Variants in TECPR2 observed in about 807,000 individuals in gnomAD.
The protein encoded by TECPR2 is tectonin beta-propeller repeat containing 2.
TECPR2 carries 65 observed loss-of-function variants against 138.1 expected under a neutral mutation model. The ratio of observed to expected loss-of-function variants is 0.47; its 90% CI spans 0.39 to 0.58. The LOEUF is 0.58. Among genes scored for constraint, TECPR2 ranks in the 20% least tolerant of loss-of-function variants. The pLI is 0.00. For missense variants in TECPR2, 1,553 were observed against 1,824.5 expected, an observed-to-expected ratio of 0.85 and a Z score of 2.71; for synonymous variants, 746 against 749.8, an observed-to-expected ratio of 0.99 and a Z score of 0.08.
In TECPR2 at chr14:102,423,215, T is replaced by C. The variant is rs577655391; in HGVS notation, c.639-1764T>C. Among the ~76,000 whole-genome samples, 8 of 152,214 alleles carry C rather than the reference T, an allele frequency of 5.3e-5. 1 individual carries two copies. The South Asian group carries it at 1.5e-3, about 28-fold the overall frequency. The stretch of plus-strand genomic sequence containing the variant: ...TGGGAAGCCAAGGCAGGTGGATCAC[T>C]TGAGGTCAGGAGTTCGAGACCAGCC... On this transcript the variant is annotated intron_variant, in intron 5 of 19. Coordinates refer to ENST00000359520, the MANE Select transcript of TECPR2 (RefSeq NM_014844.5).
intron 2 of TECPR2, among the ~76,000 whole-genome samples, chr14:102,380,199 A>C (rs1021919942): frequency 7.9e-5 from 12 of 151,566 alleles, no homozygotes; most frequent in African/African-American, 2.7e-4. Context: ...CCCTAGTCAC[A>C]CTGCTGAAGA....
At chr14:102,388,979 A>C (rs994088591) in intron 2 of TECPR2, among the ~76,000 whole-genome samples, 1 of 148,776 alleles carries the variant, frequency 6.7e-6, no homozygotes, top group African/African-American at 2.5e-5. Flanking sequence ...AAAAAAAAAA[A>C]ATTAGCTGGA....
chr14:102,448,961 G>A (rs1286402031), intron 13 of TECPR2, among the ~76,000 whole-genome samples: 1 of 151,844 alleles, frequency 6.6e-6, no homozygotes, highest in Non-Finnish European at 1.5e-5. Context: ...GGAAATACCT[G>A]ATTTAAAAGC....
intron 2 of TECPR2, among the ~76,000 whole-genome samples, chr14:102,393,835 T>C (rs944087386): frequency 3.9e-5 from 6 of 152,098 alleles, no homozygotes; most frequent in African/African-American, 1.4e-4. Context: ...GCTGGGATTA[T>C]AGGCATGAGC....
At chr14:102,468,430 G>A (rs530043252) in intron 17 of TECPR2, among the ~76,000 whole-genome samples, 4 of 152,142 alleles carry the variant, frequency 2.6e-5, no homozygotes, top group African/African-American at 7.2e-5. Flanking sequence ...CTTGTGATCC[G>A]CCTACCTGGG....
intron 15 of TECPR2, among the ~76,000 whole-genome samples, chr14:102,451,998 G>A (rs1014848987): frequency 4.6e-5 from 7 of 152,018 alleles, no homozygotes; most frequent in Admixed American, 2.6e-4. Context: ...CCAGGGCACC[G>A]AGTTGATAGT....
chr14:102,416,009 C>G (rs1039949144), intron 5 of TECPR2, among the ~76,000 whole-genome samples: 1 of 152,250 alleles, frequency 6.6e-6, no homozygotes, highest in African/African-American at 2.4e-5. Context: ...GGCTTTGCGG[C>G]AACACACAAG....
chr14:102,446,471 C>T (rs1260060027), intron 13 of TECPR2, among the ~76,000 whole-genome samples: 13 of 152,158 alleles, frequency 8.5e-5, no homozygotes, highest in African/African-American at 2.7e-4. Context: ...TGGTGGCACA[C>T]GCCGTTGGTC....
intron 1 of TECPR2, among the ~76,000 whole-genome samples, chr14:102,365,332 A>G (rs533964250): frequency 6.6e-6 from 1 of 152,334 alleles, no homozygotes; most frequent in South Asian, 2.1e-4. Flanking sequence ...AGAAAGACCA[A>G]CCAAGTATCT....
At chr14:102,428,710 TAA>T (rs1444613259) in intron 7 of TECPR2, among the ~76,000 whole-genome samples, 3 of 152,148 alleles carry the variant, frequency 2.0e-5, no homozygotes, top group Non-Finnish European at 2.9e-5. Context: ...TGCTGTAAGC[TAA>T]GATTGCACCA....
intron 5 of TECPR2, among the ~76,000 whole-genome samples, chr14:102,422,164 G>A (rs569940700): frequency 3.3e-5 from 5 of 152,222 alleles, no homozygotes; most frequent in South Asian, 2.1e-4. Flanking sequence ...GACACCTGTG[G>A]GCTAAGGGGT....
intron 2 of TECPR2, among the ~76,000 whole-genome samples, chr14:102,381,362 C>T (rs536487563): frequency 7.9e-5 from 12 of 152,244 alleles, no homozygotes; most frequent in African/African-American, 2.2e-4. Flanking sequence ...CACTTGAGGT[C>T]GGGAATTCGA....
chr14:102,418,777 G>C (rs1005061289), intron 5 of TECPR2, among the ~76,000 whole-genome samples: 2 of 152,232 alleles, frequency 1.3e-5, no homozygotes, highest in African/African-American at 4.8e-5. Flanking sequence ...GAGAAGACAG[G>C]ATGGGGCGGG....
At chr14:102,403,605 A>G (rs1888558216) in intron 2 of TECPR2, among the ~76,000 whole-genome samples, 1 of 152,240 alleles carries the variant, frequency 6.6e-6, no homozygotes, top group Admixed American at 6.5e-5. Context: ...TGCAGATGAC[A>G]TGATCTTGTA....
intron 1 of TECPR2, among the ~76,000 whole-genome samples, chr14:102,367,823 A>G (rs570204728): frequency 5.8e-4 from 88 of 152,240 alleles, no homozygotes; most frequent in African/African-American, 1.8e-3. Context: ...AGAACTGCCC[A>G]CTGGTGGCTG....
intron 17 of TECPR2, among the ~76,000 whole-genome samples, chr14:102,472,476 T>A (rs1197201113): frequency 3.3e-5 from 5 of 152,310 alleles, no homozygotes; most frequent in Admixed American, 3.3e-4. Context: ...AATAAAGTAG[T>A]GATTGCTAAA....
At chr14:102,382,007 G>A (rs145300219) in intron 2 of TECPR2, among the ~76,000 whole-genome samples, 51 of 151,992 alleles carry the variant, frequency 3.4e-4, no homozygotes, top group Admixed American at 2.2e-3. Context: ...GAAAAATTAC[G>A]TATAGGCCGG....
chr14:102,434,300 G>A lies in TECPR2; in HGVS notation c.1483G>A (p.Asp495Asn), dbSNP rs768108568. 1 of 1,414,568 alleles carries A rather than the reference G, an allele frequency of 7.1e-7. No individual in the cohort carries two copies. The highest frequency in any genetic ancestry group is 2.1e-5 in the South Asian group (1 of 48,354). 87.6% of individuals were successfully genotyped at this position (1,414,568 alleles called of 1,614,324 possible). A position where few individuals can be genotyped will look rare whatever the true frequency, so the allele number is the denominator to read the frequency against. Residue 495 changes from aspartate to asparagine, a missense_variant, in exon 9 of 20, where the codon GAC becomes AAC. Transcript: ENST00000359520. ...GACACCCTGCTCCGAATTTCCTGGGGACAGTCCCCAGTCCTTGAACACAGA... is the reference window on the plus strand; with the variant it reads ...GACACCCTGCTCCGAATTTCCTGGGAACAGTCCCCAGTCCTTGAACACAGA... ...ESTPCSEFPG[D>N]SPQSLNTDLL...
In TECPR2 at chr14:102,407,406, A is replaced by G. The variant is rs2139693336; in HGVS notation, c.288A>G (p.Thr96=). The change falls in exon 3 of 20, where the codon ACA becomes ACG. Residue 96 remains threonine (T), a synonymous_variant. Coordinates refer to ENST00000359520, the MANE Select transcript of TECPR2 (RefSeq NM_014844.5). ...SCFDDLVAAG[T]ASGRVAVFQL... is the part of the protein sequence containing the mutation. ...TTGATGACCTGGTGGCAGCAGGCACAGCCTCTGGCAGGGTTGCAGTTTTTC... is the reference window on the plus strand; with the variant it reads ...TTGATGACCTGGTGGCAGCAGGCACGGCCTCTGGCAGGGTTGCAGTTTTTC... 1 of 1,613,788 alleles carries G rather than the reference A, an allele frequency of 6.2e-7. No individual in the cohort carries two copies. The highest frequency in any genetic ancestry group is 8.5e-7 in the Non-Finnish European group (1 of 1,179,830).
Sources: allele counts gnomAD v4.1 joint callset (sites outside exome capture counted in the v4.1 genomes callset), GRCh38; gene constraint gnomAD v4.1.1; transcripts MANE v1.5; gene names NCBI Gene and HGNC (gene_info 2026-07-23, HGNC 2026-07-21).